The following CRADD variants were observed in gnomAD, a reference collection of about 807,000 sequenced individuals.
CRADD encodes CARD and death domain containing adaptor protein.
A neutral mutation model predicts 15.5 loss-of-function variants in CRADD; 9 were observed. That is an observed-to-expected ratio of 0.58 (90% CI 0.35 to 1.01). CRADD has a LOEUF of 1.01. Ranked by LOEUF, CRADD falls within the 50% of genes least tolerant of loss-of-function variation. The probability of loss-of-function intolerance (pLI) is 0.02; values close to 1 mark genes in which losing one functional copy is unlikely to be tolerated. For synonymous variants in CRADD, 118 were observed against 107.6 expected (o/e 1.10, Z -0.60); for missense variants, 227 against 250.3 (o/e 0.91, Z 0.63).
At chr12:93,751,339 C>T (rs1377662975) in intron 2 of CRADD, among the ~76,000 whole-genome samples, 1 of 152,156 alleles carries the variant, frequency 6.6e-6, no homozygotes, top group Non-Finnish European at 1.5e-5. Context: ...TTGATCTAAA[C>T]AGGAGGTTCA....
chr12:93,847,593 T>C (rs190751840), intron 2 of CRADD, among the ~76,000 whole-genome samples: 9 of 144,270 alleles, frequency 6.2e-5, no homozygotes, highest in Non-Finnish European at 1.2e-4. Context: ...AAGCCACAGA[T>C]GAAGAACAGT....
At chr12:93,714,866 G>T (rs1956134698) in intron 2 of CRADD, 1 of 152,158 alleles carries the variant, frequency 6.6e-6, no homozygotes, top group African/African-American at 2.4e-5. Flanking sequence ...TACAAGGGAG[G>T]CTGCAAAGTG....
intron 2 of CRADD, among the ~76,000 whole-genome samples, chr12:93,805,183 G>A (rs77452670): frequency 6.6e-6 from 1 of 152,022 alleles, no homozygotes; most frequent in East Asian, 1.9e-4. Context: ...TGTTGCCTTT[G>A]TACATATCCA....
chr12:93,717,082 A>G (rs1389646078), intron 2 of CRADD, among the ~76,000 whole-genome samples: 1 of 152,206 alleles, frequency 6.6e-6, no homozygotes, highest in African/African-American at 2.4e-5. Flanking sequence ...ATGGGTGTAT[A>G]GTGGTATCTC....
chr12:93,687,603 G>C (rs1456711919), intron 2 of CRADD, among the ~76,000 whole-genome samples: 1 of 152,228 alleles, frequency 6.6e-6, no homozygotes, highest in African/African-American at 2.4e-5. Context: ...GCTCTGACCA[G>C]CTGGTTAGGA....
intron 2 of CRADD, among the ~76,000 whole-genome samples, chr12:93,873,393 C>T (rs1434436953): frequency 2.0e-5 from 3 of 152,032 alleles, no homozygotes; most frequent in African/African-American, 7.2e-5. Context: ...TTTGGATGAC[C>T]TTTATATCTT....
intron 2 of CRADD, among the ~76,000 whole-genome samples, chr12:93,764,023 T>C (rs1470902822): frequency 6.6e-6 from 1 of 152,158 alleles, no homozygotes. Flanking sequence ...TTATTCAGTC[T>C]GGTGGGCAGA....
intron 2 of CRADD, among the ~76,000 whole-genome samples, chr12:93,706,878 A>G (rs1264751221): frequency 6.6e-6 from 1 of 152,206 alleles, no homozygotes; most frequent in African/African-American, 2.4e-5. Context: ...AGTCCTATCC[A>G]TGTATTTAAG....
At chr12:93,768,193 G>A (rs902881538) in intron 2 of CRADD, among the ~76,000 whole-genome samples, 18 of 152,150 alleles carry the variant, frequency 1.2e-4, no homozygotes, top group African/African-American at 4.1e-4. Flanking sequence ...TAGGTTGAAT[G>A]CTTTAGCAAA....
At chr12:93,852,576 G>C (rs141514809), downstream of CRADD, among the ~76,000 whole-genome samples, 1 of 152,338 alleles carries the variant, frequency 6.6e-6, no homozygotes, top group African/African-American at 2.4e-5. Flanking sequence ...TGGAAGAACA[G>C]AGCAGCTGAA....
downstream of CRADD, among the ~76,000 whole-genome samples, chr12:93,852,688 T>G (rs1958237844): frequency 6.6e-6 from 1 of 152,248 alleles, no homozygotes; most frequent in South Asian, 2.1e-4. Flanking sequence ...AGGGATTTCC[T>G]GTGTTTGTAT....
chr12:93,814,491 C>A (rs1957668980), intron 2 of CRADD, among the ~76,000 whole-genome samples: 1 of 152,214 alleles, frequency 6.6e-6, no homozygotes, highest in African/African-American at 2.4e-5. Flanking sequence ...ATTTAATCTG[C>A]CTTCATCACG....
At chr12:93,713,760 GA>G (rs1345219777) in intron 2 of CRADD, among the ~76,000 whole-genome samples, 1 of 152,026 alleles carries the variant, frequency 6.6e-6, no homozygotes, top group African/African-American at 2.4e-5. Flanking sequence ...GACTTAGTAT[GA>G]AAAAATAATG....
At chr12:93,794,355 A>G (rs960005312) in intron 2 of CRADD, among the ~76,000 whole-genome samples, 32 of 152,090 alleles carry the variant, frequency 2.1e-4, no homozygotes, top group Admixed American at 3.3e-4. Context: ...TATCCAAATC[A>G]TAACTCTTAA....
intron 2 of CRADD, among the ~76,000 whole-genome samples, chr12:93,817,725 A>G (rs1012990948): frequency 8.6e-5 from 13 of 151,944 alleles, no homozygotes; most frequent in African/African-American, 2.2e-4. Flanking sequence ...TAGATTTCTC[A>G]ACTGGTTTTC....
At chr12:93,686,321 A>AAAAAG (rs1955440915) in intron 2 of CRADD, among the ~76,000 whole-genome samples, 2 of 151,152 alleles carry the variant, frequency 1.3e-5, no homozygotes, top group Non-Finnish European at 2.9e-5. Flanking sequence ...AAAAAAAAAA[A>AAAAAG]AAAAGAAAAG....
chr12:93,784,998 C>T (rs1456859369), intron 2 of CRADD, among the ~76,000 whole-genome samples: 1 of 151,162 alleles, frequency 6.6e-6, no homozygotes, highest in Non-Finnish European at 1.5e-5. Context: ...AATTTGATCA[C>T]TTTCCTCAAA....
intron 2 of CRADD, among the ~76,000 whole-genome samples, chr12:93,706,490 T>C (rs1366401232): frequency 6.6e-6 from 1 of 152,210 alleles, no homozygotes; most frequent in African/African-American, 2.4e-5. Context: ...AATGGTTCTG[T>C]ATTTTTTTGG....
intron 2 of CRADD, among the ~76,000 whole-genome samples, chr12:93,749,856 G>A (rs374779728): frequency 2.0e-5 from 3 of 152,036 alleles, no homozygotes; most frequent in Non-Finnish European, 2.9e-5. Context: ...TTTCAAGTCC[G>A]TTAGGGGCAT....
Sources: gnomAD v4.1 joint callset for allele counts (sites outside exome capture counted in the v4.1 genomes callset) on GRCh38, gnomAD v4.1.1 for gene constraint, MANE v1.5 for transcripts, NCBI Gene and HGNC (gene_info 2026-07-23, HGNC 2026-07-21) for gene names.